The following VTA1 variants were observed in gnomAD, a reference collection of about 807,000 sequenced individuals.
VTA1 encodes vesicle trafficking 1.
Under a neutral mutation model 36.9 loss-of-function variants are expected in VTA1, and 24 were observed. The ratio of observed to expected loss-of-function variants is 0.65; its 90% CI spans 0.47 to 0.91. The LOEUF is 0.91. Among genes scored for constraint, VTA1 ranks in the 40% least tolerant of loss-of-function variants. The pLI is 0.00. For synonymous variants in VTA1, 142 were observed against 130.2 expected (o/e 1.09, Z -0.62); for missense variants, 393 against 377.2 (o/e 1.04, Z -0.35).
chr6:142,160,926 T>TTTGA (rs1236148960), intron 1 of VTA1, among the ~76,000 whole-genome samples: 1 of 152,156 alleles, frequency 6.6e-6, no homozygotes, highest in Non-Finnish European at 1.5e-5. Flanking sequence ...TACCCTATAC[T>TTTGA]TTGATTTTCA....
chr6:142,168,835 C>T (rs1425458317), intron 2 of VTA1, among the ~76,000 whole-genome samples: 1 of 151,076 alleles, frequency 6.6e-6, no homozygotes, highest in African/African-American at 2.4e-5. Context: ...GGCGCGATCT[C>T]AGCCCACTGC....
intron 1 of VTA1, among the ~76,000 whole-genome samples, chr6:142,148,504 C>T (rs901094465): frequency 2.6e-5 from 4 of 152,094 alleles, no homozygotes; most frequent in African/African-American, 7.2e-5. Context: ...CTTCAGTTTC[C>T]TCAAGCAGGG....
chr6:142,209,927 TGTAGAATGATAGAAGACCCTGAATA>T (rs1451838822), intron 7 of VTA1, among the ~76,000 whole-genome samples: 1 of 152,048 alleles, frequency 6.6e-6, no homozygotes, highest in Non-Finnish European at 1.5e-5. Flanking sequence ...CTAAGATTTA[TGTAGAATGATAGAAGACCCTGAATA>T]GTAAAAGCAA....
chr6:142,218,778 C>A lies in VTA1; in HGVS notation c.*135C>A. 2 of 1,059,156 alleles carry A rather than the reference C, an allele frequency of 1.9e-6. No individual in the cohort carries two copies. Among genetic ancestry groups the A allele is most frequent in the Non-Finnish European group, 2.6e-6 (2 of 775,976 alleles). The allele number at this position is 1,059,156 out of a possible 1,614,324, so 65.6% of individuals were successfully genotyped here. ...ATATGACAATGAAATCTGTGTGTAT[C>A]AGATTTTTATTGAAGCATTCATCAG... On this transcript the variant is annotated 3_prime_UTR_variant, in exon 8 of 8. Transcript: ENST00000367630.
At chr6:142,189,311 G>A (rs1775405519) in intron 4 of VTA1, 115 bp from the exon 5 acceptor site, 1 of 772,356 alleles carries the variant, frequency 1.3e-6, no homozygotes, top group Non-Finnish European at 2.1e-6. Context: ...TTCTTTTAGA[G>A]CTGTAATCTG....
At chr6:142,198,816 A>G (rs759645916) in intron 6 of VTA1, 36 of 468,484 alleles carry the variant, frequency 7.7e-5, no homozygotes, top group Non-Finnish European at 1.2e-4. Flanking sequence ...AGAAATGACA[A>G]GTATTATGTG....
intron 4 of VTA1, among the ~76,000 whole-genome samples, chr6:142,171,998 G>C (rs928638343): frequency 2.0e-5 from 3 of 152,184 alleles, no homozygotes; most frequent in Non-Finnish European, 4.4e-5. Context: ...TTTCAAAGTT[G>C]TGACAAATGA....
chr6:142,173,433 G>A (rs1000288895), intron 4 of VTA1, among the ~76,000 whole-genome samples: 4 of 152,212 alleles, frequency 2.6e-5, no homozygotes, highest in Non-Finnish European at 4.4e-5. Flanking sequence ...ACCATGCCTG[G>A]CTAATTTTTT....
intron 7 of VTA1, among the ~76,000 whole-genome samples, chr6:142,207,927 T>TA (rs1468811149): frequency 6.6e-6 from 1 of 150,712 alleles, no homozygotes; most frequent in Non-Finnish European, 1.5e-5. Context: ...CTACTGAAAA[T>TA]ACAAAAAAAA....
chr6:142,196,538 G>A (rs998825409), intron 5 of VTA1, among the ~76,000 whole-genome samples: 4 of 151,850 alleles, frequency 2.6e-5, no homozygotes, highest in African/African-American at 9.7e-5. Flanking sequence ...AACCTATTTT[G>A]CCATTTCCTT....
At chr6:142,217,387 A>T (rs1776021888) in intron 7 of VTA1, among the ~76,000 whole-genome samples, 1 of 152,152 alleles carries the variant, frequency 6.6e-6, no homozygotes, top group African/African-American at 2.4e-5. Flanking sequence ...GGTGCCTGGC[A>T]CTGTGCTGGA....
rs931264693 is a variant in VTA1 at position 142,221,983 on chromosome 6, A to C, written c.*3340A>C. 4 of 151,500 alleles carry C rather than the reference A, an allele frequency of 2.6e-5. No homozygotes were observed. Among genetic ancestry groups the C allele is most frequent in the African/African-American group, 7.3e-5 (3 of 41,290 alleles). 9.4% of individuals were successfully genotyped at this position (151,500 alleles called of 1,614,324 possible). On this transcript the variant is annotated 3_prime_UTR_variant, in exon 8 of 8. Coordinates refer to ENST00000367630, the MANE Select transcript of VTA1 (RefSeq NM_016485.5). ...GAGACTCCTTCTCAAAAAAAAAAAAAGTATTACAATAATCAAGGTGAGATA... is the reference window on the plus strand; with the variant it reads ...GAGACTCCTTCTCAAAAAAAAAAAACGTATTACAATAATCAAGGTGAGATA...
rs1775739470 is a variant in VTA1 at position 142,204,032 on chromosome 6, A to G, written c.745A>G (p.Ile249Val). Residue 249 changes from isoleucine to valine, a missense_variant, in exon 7 of 8, where the codon ATT becomes GTT. Physicochemically the swap from Ile to Val is conservative, Grantham distance 29. Transcript: ENST00000367630. ...IQPTPQTIPA[I>V]DPALFNTISQ... ...ACCTACTCCACAGACTATACCTGCC[A>G]TTGATCCCGCACTTTTCAATACAAT... 6.2e-7 allele frequency: 1 copy of G among 1,613,656 alleles called. No homozygotes were observed. Among genetic ancestry groups the G allele is most frequent in the South Asian group, 1.1e-5 (1 of 91,082 alleles).
intron 4 of VTA1, among the ~76,000 whole-genome samples, chr6:142,179,395 A>G (rs190987895): frequency 1.6e-4 from 24 of 152,264 alleles, no homozygotes; most frequent in African/African-American, 5.5e-4. Flanking sequence ...ATAAAAACAT[A>G]TGTCCTGAAA....
At chr6:142,163,805 G>A (rs1774860283) in intron 1 of VTA1, among the ~76,000 whole-genome samples, 1 of 152,012 alleles carries the variant, frequency 6.6e-6, no homozygotes, top group Non-Finnish European at 1.5e-5. Flanking sequence ...CTATCCATAT[G>A]AGTTAGAAAA....
At chr6:142,200,119 G>T (rs1454086646) in intron 6 of VTA1, among the ~76,000 whole-genome samples, 1 of 152,070 alleles carries the variant, frequency 6.6e-6, no homozygotes, top group African/African-American at 2.4e-5. Context: ...CCATGCTAAA[G>T]CATAAACTCA....
chr6:142,198,096 C>CAAAAA (rs200763527), intron 5 of VTA1, among the ~76,000 whole-genome samples: 1 of 100,374 alleles, frequency 1.0e-5, no homozygotes, highest in African/African-American at 3.9e-5. Context: ...GACTCCGTCT[C>CAAAAA]AAAAAAAAAT....
In VTA1 at chr6:142,219,612, A is replaced by T. The variant is rs1776065746; in HGVS notation, c.*969A>T. The T allele has an allele frequency of 6.6e-6, 1 of 152,242 alleles. No homozygotes were observed. The highest frequency in any genetic ancestry group is 2.4e-5 in the African/African-American group (1 of 41,478). 9.4% of individuals were successfully genotyped at this position (152,242 alleles called of 1,614,324 possible). A position where few individuals can be genotyped will look rare whatever the true frequency, so the allele number is the denominator to read the frequency against. The stretch of plus-strand genomic sequence containing the variant: ...TTAGCTAATTCAACTTACTACAAAG[A>T]CAAATGTCTGTTTTTATTTGCCTGC... On this transcript the variant is annotated 3_prime_UTR_variant, in exon 8 of 8. Coordinates refer to ENST00000367630, the MANE Select transcript of VTA1 (RefSeq NM_016485.5).
At position 142,218,746 on chromosome 6, in the gene VTA1, T is replaced by C; in HGVS notation, c.*103T>C. The C allele has an allele frequency of 7.6e-7, 1 of 1,323,140 alleles. No individual in the cohort carries two copies. Among genetic ancestry groups the C allele is most frequent in the Non-Finnish European group, 1.0e-6 (1 of 991,086 alleles). 82.0% of individuals were successfully genotyped at this position (1,323,140 alleles called of 1,614,324 possible). ...TCACAGTTTTAAGGAAGACTTGGTT[T>C]TGTTGAATATGACAATGAAATCTGT... On this transcript the variant is annotated 3_prime_UTR_variant, in exon 8 of 8. Coordinates refer to ENST00000367630, the MANE Select transcript of VTA1 (RefSeq NM_016485.5).
Sources: allele counts gnomAD v4.1 joint callset (sites outside exome capture counted in the v4.1 genomes callset), GRCh38; gene constraint gnomAD v4.1.1; transcripts MANE v1.5; gene names NCBI Gene and HGNC (gene_info 2026-07-23, HGNC 2026-07-21).